The following KCNH5 variants were observed in gnomAD, a reference collection of about 807,000 sequenced individuals.
KCNH5 encodes the protein potassium voltage-gated channel subfamily H member 5, also known as voltage-gated delayed rectifier potassium channel KCNH5.
A neutral mutation model predicts 96.1 loss-of-function variants in KCNH5; 46 were observed. The ratio of observed to expected loss-of-function variants is 0.48; its 90% confidence interval spans 0.38 to 0.61. The LOEUF (loss-of-function observed/expected upper bound fraction) is 0.61. Ranked by LOEUF, KCNH5 falls within the 20% of genes least tolerant of loss-of-function variation. The pLI, the probability that KCNH5 is intolerant of heterozygous loss-of-function variation, is 0.00. For missense variants in KCNH5, 907 were observed against 1,225.8 expected (o/e 0.74, Z 3.88); for synonymous variants, 439 against 449.8 (o/e 0.98, Z 0.30).
chr14:62,857,176 C>G (rs1489954487), intron 7 of KCNH5, among the ~76,000 whole-genome samples: 1 of 152,122 alleles, frequency 6.6e-6, no homozygotes, highest in Non-Finnish European at 1.5e-5. Flanking sequence ...CCTAAAGAAC[C>G]ACTTAACTTT....
At chr14:62,827,844 T>C (rs1449499992) in intron 8 of KCNH5, among the ~76,000 whole-genome samples, 6 of 152,192 alleles carry the variant, frequency 3.9e-5, no homozygotes, top group Non-Finnish European at 8.8e-5. Context: ...GTTTAGAAGT[T>C]AGTTCTGTTT....
chr14:62,739,614 G>A (rs1885229444), intron 10 of KCNH5, among the ~76,000 whole-genome samples: 2 of 152,054 alleles, frequency 1.3e-5, no homozygotes, highest in African/African-American at 4.8e-5. Flanking sequence ...TTTTGATATG[G>A]AGTTCAGTGA....
chr14:62,811,989 G>A, intron 8 of KCNH5, among the ~76,000 whole-genome samples: 1 of 152,112 alleles, frequency 6.6e-6, no homozygotes, highest in East Asian at 1.9e-4. Context: ...ACTGTTCCTA[G>A]TTCACTGCCA....
At chr14:62,919,056 C>G (rs953434035) in intron 7 of KCNH5, among the ~76,000 whole-genome samples, 3 of 151,952 alleles carry the variant, frequency 2.0e-5, no homozygotes, top group East Asian at 3.9e-4. Context: ...TTTGCTGCCA[C>G]AGAAAAATAT....
At chr14:62,829,365 C>A (rs1436598772) in intron 8 of KCNH5, among the ~76,000 whole-genome samples, 3 of 152,222 alleles carry the variant, frequency 2.0e-5, no homozygotes, top group African/African-American at 7.2e-5. Context: ...ACTGCCCTAG[C>A]AGAGGTTCTC....
At chr14:62,927,279 C>T (rs1889494356) in intron 7 of KCNH5, among the ~76,000 whole-genome samples, 1 of 152,128 alleles carries the variant, frequency 6.6e-6, no homozygotes, top group Admixed American at 6.6e-5. Flanking sequence ...CCCTTGTGCA[C>T]TGTTGGTGGG....
chr14:62,957,789 GCCAT>G (rs1199546898), intron 6 of KCNH5, among the ~76,000 whole-genome samples: 3 of 152,140 alleles, frequency 2.0e-5, no homozygotes, highest in Admixed American at 6.6e-5. Context: ...ATGCATTTCA[GCCAT>G]CCTAGACTAC....
At chr14:62,747,597 G>T (rs898885630) in intron 10 of KCNH5, among the ~76,000 whole-genome samples, 8 of 152,192 alleles carry the variant, frequency 5.3e-5, no homozygotes, top group African/African-American at 1.7e-4. Context: ...TAGTTAAAGT[G>T]CAAGCTTTAG....
intron 4 of KCNH5, among the ~76,000 whole-genome samples, chr14:62,992,012 C>T (rs562007416): frequency 1.3e-5 from 2 of 152,152 alleles, no homozygotes; most frequent in East Asian, 3.9e-4. Flanking sequence ...CAATGTCTAT[C>T]ATTCCACTCT....
chr14:62,997,137 G>C (rs1053312650), intron 4 of KCNH5, among the ~76,000 whole-genome samples: 1 of 152,156 alleles, frequency 6.6e-6, no homozygotes, highest in African/African-American at 2.4e-5. Context: ...ACATCATGGA[G>C]AATGAGATAT....
At chr14:62,756,169 C>A (rs1209105143) in intron 10 of KCNH5, among the ~76,000 whole-genome samples, 1 of 151,916 alleles carries the variant, frequency 6.6e-6, no homozygotes, top group East Asian at 1.9e-4. Context: ...GGCAAACAAT[C>A]TGAAAAAGAA....
At chr14:62,730,856 A>G (rs1166781476) in intron 10 of KCNH5, among the ~76,000 whole-genome samples, 1 of 152,342 alleles carries the variant, frequency 6.6e-6, no homozygotes, top group East Asian at 1.9e-4. Flanking sequence ...GGTTGTATTT[A>G]ACTACATTCC....
intron 7 of KCNH5, among the ~76,000 whole-genome samples, chr14:62,894,960 G>T (rs1428725280): frequency 1.3e-5 from 2 of 152,150 alleles, no homozygotes; most frequent in Non-Finnish European, 2.9e-5. Flanking sequence ...CTACTCTAAT[G>T]ATAACTCAGA....
intron 6 of KCNH5, among the ~76,000 whole-genome samples, chr14:62,951,873 G>A (rs1403366071): frequency 6.9e-6 from 1 of 144,858 alleles, no homozygotes; most frequent in Non-Finnish European, 1.5e-5. Flanking sequence ...GAGGCAGGGG[G>A]AATTGCTTGA....
At chr14:62,981,391 A>C (rs1418243345) in intron 5 of KCNH5, 127 bp from the exon 6 acceptor site, 2 of 879,228 alleles carry the variant, frequency 2.3e-6, no homozygotes, top group Non-Finnish European at 3.4e-6. Flanking sequence ...TCTTCTCCTG[A>C]GTTGTCCTAA....
intron 7 of KCNH5, among the ~76,000 whole-genome samples, chr14:62,885,486 T>C (rs1479381793): frequency 1.3e-5 from 2 of 152,242 alleles, no homozygotes; most frequent in South Asian, 2.1e-4. Context: ...TATTTGCTAA[T>C]GGAGAATTCT....
intron 7 of KCNH5, among the ~76,000 whole-genome samples, chr14:62,856,104 G>A (rs10135402): frequency 0.66 from 100,657 of 151,960 alleles, 34,328 homozygotes; most frequent in East Asian, 0.87. Context: ...TTTATTTCTC[G>A]GGGTTAAACA....
chr14:62,788,559 A>G (rs566281850), intron 9 of KCNH5, among the ~76,000 whole-genome samples: 1 of 152,324 alleles, frequency 6.6e-6, no homozygotes, highest in South Asian at 2.1e-4. Flanking sequence ...CTAAAATGCT[A>G]TCAGTCAGCA....
At chr14:62,828,771 C>G (rs1048725694) in intron 8 of KCNH5, among the ~76,000 whole-genome samples, 2 of 152,058 alleles carry the variant, frequency 1.3e-5, no homozygotes, top group South Asian at 4.1e-4. Context: ...ACCTCATGTC[C>G]TTCTCACATT....
Sources: gnomAD v4.1 joint callset for allele counts (sites outside exome capture counted in the v4.1 genomes callset) on GRCh38, gnomAD v4.1.1 for gene constraint, MANE v1.5 for transcripts, NCBI Gene and HGNC (gene_info 2026-07-23, HGNC 2026-07-21) for gene names.